RPS6KC1: variants seen among roughly 807,000 people sequenced by gnomAD.
RPS6KC1 encodes the protein inactive ribosomal protein S6 kinase delta-1.
Under a neutral mutation model 103.8 loss-of-function variants are expected in RPS6KC1, and 54 were observed. That is an observed-to-expected ratio of 0.52 (90% CI 0.42 to 0.65). The LOEUF (loss-of-function observed/expected upper bound fraction) is 0.65. Among genes scored for constraint, RPS6KC1 ranks in the 30% least tolerant of loss-of-function variants. The pLI, the probability that RPS6KC1 is intolerant of heterozygous loss-of-function variation, is 0.00. For synonymous variants in RPS6KC1, 439 were observed against 438.7 expected (o/e 1.00, Z -0.01); for missense variants, 1,151 against 1,253.8 (o/e 0.92, Z 1.24).
chr1:213,113,381 T>A (rs2083234584), intron 4 of RPS6KC1, among the ~76,000 whole-genome samples: 1 of 151,870 alleles, frequency 6.6e-6, no homozygotes, highest in African/African-American at 2.4e-5. Flanking sequence ...GTGTCTGTTC[T>A]TGTCCTTCGC....
chr1:213,829,840 C>T, the RPS6KC1 span, among the ~76,000 whole-genome samples: 2 of 152,120 alleles, frequency 1.3e-5, no homozygotes, highest in African/African-American at 4.8e-5. Context: ...ACTCAGAATG[C>T]CATACCATTA....
chr1:213,609,437 C>T, the RPS6KC1 span, among the ~76,000 whole-genome samples: 1 of 152,142 alleles, frequency 6.6e-6, no homozygotes, highest in African/African-American at 2.4e-5. Flanking sequence ...CACTCAGTCC[C>T]ATGTACCAGC....
the RPS6KC1 span, among the ~76,000 whole-genome samples, chr1:213,852,712 G>A: frequency 1.3e-5 from 2 of 152,070 alleles, no homozygotes; most frequent in Non-Finnish European, 2.9e-5. Flanking sequence ...CAACATAATC[G>A]TAGCTCCCAA....
At chr1:213,475,708 G>T in the RPS6KC1 span, among the ~76,000 whole-genome samples, 1 of 152,134 alleles carries the variant, frequency 6.6e-6, no homozygotes, top group South Asian at 2.1e-4. Flanking sequence ...TCCAGGACTA[G>T]ATGACTGCCA....
the RPS6KC1 span, among the ~76,000 whole-genome samples, chr1:213,344,104 A>G: frequency 6.6e-6 from 1 of 152,174 alleles, no homozygotes; most frequent in Non-Finnish European, 1.5e-5. Flanking sequence ...AACCTTCAGC[A>G]TGTAACCCAT....
chr1:213,629,412 CT>C, the RPS6KC1 span, among the ~76,000 whole-genome samples: 1 of 150,188 alleles, frequency 6.7e-6, no homozygotes, highest in Non-Finnish European at 1.5e-5. Flanking sequence ...CAACCCCTGC[CT>C]TTTTTTGTTT....
intron 8 of RPS6KC1, among the ~76,000 whole-genome samples, chr1:213,182,145 TATATA>T (rs775490830): frequency 6.2e-4 from 94 of 152,186 alleles, no homozygotes; most frequent in Non-Finnish European, 8.8e-4. Context: ...GAGTTATGTA[TATATA>T]ATATAACTAG....
At chr1:213,120,596 G>A (rs141678157) in intron 5 of RPS6KC1, among the ~76,000 whole-genome samples, 39 of 152,214 alleles carry the variant, frequency 2.6e-4, no homozygotes, top group African/African-American at 8.9e-4. Context: ...TAGAGGGATC[G>A]TGGTGACAAA....
the RPS6KC1 span, among the ~76,000 whole-genome samples, chr1:213,576,561 G>A: frequency 2.3e-4 from 35 of 151,688 alleles, no homozygotes; most frequent in Admixed American, 2.0e-3. Context: ...AATTGTTTGG[G>A]GACACCACAA....
At chr1:213,220,970 T>C (rs2093816897) in intron 8 of RPS6KC1, among the ~76,000 whole-genome samples, 1 of 152,158 alleles carries the variant, frequency 6.6e-6, no homozygotes, top group East Asian at 1.9e-4. Flanking sequence ...GTTAAATCTG[T>C]CTCAAAGTCT....
chr1:213,650,607 T>G, the RPS6KC1 span, among the ~76,000 whole-genome samples: 4 of 152,294 alleles, frequency 2.6e-5, no homozygotes, highest in African/African-American at 9.6e-5. Flanking sequence ...CAGCTACAGA[T>G]GAACGGAAAC....
the RPS6KC1 span, among the ~76,000 whole-genome samples, chr1:213,858,844 A>T: frequency 3.3e-5 from 5 of 152,200 alleles, no homozygotes; most frequent in African/African-American, 1.2e-4. Flanking sequence ...GGCTCACTCC[A>T]TCCAATCCCA....
the RPS6KC1 span, among the ~76,000 whole-genome samples, chr1:213,361,876 G>T: frequency 6.6e-6 from 1 of 152,210 alleles, no homozygotes; most frequent in Non-Finnish European, 1.5e-5. Flanking sequence ...AAAAGCTGTT[G>T]TGGGTGTGGA....
chr1:213,573,761 G>A, the RPS6KC1 span, among the ~76,000 whole-genome samples: 8 of 152,214 alleles, frequency 5.3e-5, no homozygotes, highest in Non-Finnish European at 1.2e-4. Flanking sequence ...GGTGGGGGTA[G>A]GAGAGCCTTT....
At chr1:213,214,450 G>A (rs2093604984) in intron 8 of RPS6KC1, among the ~76,000 whole-genome samples, 1 of 152,222 alleles carries the variant, frequency 6.6e-6, no homozygotes, top group African/African-American at 2.4e-5. Context: ...ACCTCTCGGG[G>A]CAGGGCATAG....
At chr1:213,482,522 T>A in the RPS6KC1 span, among the ~76,000 whole-genome samples, 12 of 150,638 alleles carry the variant, frequency 8.0e-5, no homozygotes, top group South Asian at 2.1e-4. Context: ...GCTTCATTTT[T>A]TTTCAACCTA....
chr1:213,450,000 G>T, the RPS6KC1 span, among the ~76,000 whole-genome samples: 1 of 152,146 alleles, frequency 6.6e-6, no homozygotes, highest in South Asian at 2.1e-4. Flanking sequence ...CATTGCCCCA[G>T]ATTCAGCAGG....
At chr1:213,444,756 A>AAAG in the RPS6KC1 span, among the ~76,000 whole-genome samples, 1 of 151,430 alleles carries the variant, frequency 6.6e-6, no homozygotes, top group Non-Finnish European at 1.5e-5. Flanking sequence ...AAAAAAAAAA[A>AAAG]AAAAAAGGAA....
chr1:213,628,154 G>T, the RPS6KC1 span, among the ~76,000 whole-genome samples: 26 of 152,174 alleles, frequency 1.7e-4, no homozygotes, highest in Non-Finnish European at 3.4e-4. Context: ...TCTTGGGAGG[G>T]TGTATGTGTC....
Sources: allele counts gnomAD v4.1 joint callset (sites outside exome capture counted in the v4.1 genomes callset), GRCh38; gene constraint gnomAD v4.1.1; transcripts MANE v1.5; gene names NCBI Gene and HGNC (gene_info 2026-07-23, HGNC 2026-07-21).